Variants in DOCK4 observed in about 807,000 individuals in gnomAD.
The protein encoded by DOCK4 is dedicator of cytokinesis 4.
A neutral mutation model predicts 268.1 loss-of-function variants in DOCK4; 97 were observed. The ratio of observed to expected loss-of-function variants is 0.36; its 90% CI spans 0.31 to 0.43. The LOEUF (loss-of-function observed/expected upper bound fraction) is 0.43. Ranked by LOEUF, DOCK4 falls within the 20% of genes least tolerant of loss-of-function variation. DOCK4 has a pLI of 1.00. For missense variants in DOCK4, 2,145 were observed against 2,455.7 expected (o/e 0.87, Z 2.67); for synonymous variants, 954 against 887.2 (o/e 1.08, Z -1.34).
intron 1 of DOCK4, among the ~76,000 whole-genome samples, chr7:112,197,047 T>C (rs1820514058): frequency 6.6e-6 from 1 of 152,132 alleles, no homozygotes; most frequent in Non-Finnish European, 1.5e-5. Flanking sequence ...CCACCTGCCT[T>C]AGGGAAATTT....
Position 111,846,986 on chromosome 7 carries a change from T to A in DOCK4, c.2601+13A>T. On this transcript the variant is annotated intron_variant, in intron 24 of 52. Coordinates refer to ENST00000428084, the MANE Select transcript of DOCK4 (RefSeq NM_001363540.2). ...TTGAAGGGAGCTATATACTATGACC[T>A]GTATTTACTTACTGAGCTATTTTTC... 1 of 1,613,086 alleles carries A rather than the reference T, an allele frequency of 6.2e-7. No individual in the cohort carries two copies. Among genetic ancestry groups the A allele is most frequent in the East Asian group, 2.2e-5 (1 of 44,854 alleles).
chr7:111,874,869 T>C (rs1357949988), intron 17 of DOCK4, among the ~76,000 whole-genome samples: 1 of 152,238 alleles, frequency 6.6e-6, no homozygotes, highest in Non-Finnish European at 1.5e-5. Flanking sequence ...ACTTTGGGAA[T>C]TCTGAAATGC....
chr7:111,753,772 G>C (rs1319320708), intron 42 of DOCK4, among the ~76,000 whole-genome samples: 2 of 152,164 alleles, frequency 1.3e-5, no homozygotes, highest in Non-Finnish European at 2.9e-5. Flanking sequence ...CGACAGTGAG[G>C]ACATTCTAGG....
At chr7:111,824,452 A>G (rs1802243272) in intron 26 of DOCK4, among the ~76,000 whole-genome samples, 1 of 152,144 alleles carries the variant, frequency 6.6e-6, no homozygotes, top group South Asian at 2.1e-4. Flanking sequence ...ATGGTCTACA[A>G]TTAGTTAGGA....
intron 1 of DOCK4, among the ~76,000 whole-genome samples, chr7:112,083,993 A>G (rs1214307345): frequency 1.3e-5 from 2 of 151,998 alleles, no homozygotes; most frequent in East Asian, 1.9e-4. Context: ...TTGGGCTAAC[A>G]CTCTTGTACT....
chr7:112,112,447 G>T (rs1425712560), intron 1 of DOCK4, among the ~76,000 whole-genome samples: 1 of 152,026 alleles, frequency 6.6e-6, no homozygotes. Context: ...TTCGAGACCA[G>T]CCTGGCCAGT....
intron 8 of DOCK4, among the ~76,000 whole-genome samples, chr7:111,954,139 AATGT>A (rs1796272973): frequency 6.6e-6 from 1 of 152,118 alleles, no homozygotes; most frequent in African/African-American, 2.4e-5. Context: ...TCCAACTAAG[AATGT>A]ATGAGTGTTA....
chr7:111,921,192 T>C (rs1292800133), intron 12 of DOCK4, among the ~76,000 whole-genome samples: 1 of 152,186 alleles, frequency 6.6e-6, no homozygotes, highest in African/African-American at 2.4e-5. Context: ...AGCCCAATGA[T>C]AAATACTTAA....
At chr7:112,120,290 A>G (rs1812617291) in intron 1 of DOCK4, among the ~76,000 whole-genome samples, 1 of 152,138 alleles carries the variant, frequency 6.6e-6, no homozygotes, top group Non-Finnish European at 1.5e-5. Context: ...ATTTTTTTTC[A>G]TCCACTGGGC....
intron 1 of DOCK4, among the ~76,000 whole-genome samples, chr7:112,189,014 G>A (rs1476828286): frequency 6.6e-6 from 1 of 152,188 alleles, no homozygotes; most frequent in African/African-American, 2.4e-5. Context: ...CATATGCAGA[G>A]CATACCATAC....
Position 111,727,084 on chromosome 7 carries a change from A to G in DOCK4, c.*1190T>C, listed in dbSNP as rs1362288438. The G allele has an allele frequency of 6.6e-6, 1 of 152,652 alleles. No homozygotes were observed. The highest frequency in any genetic ancestry group is 1.5e-5 in the Non-Finnish European group (1 of 68,032). 9.5% of individuals were successfully genotyped at this position (152,652 alleles called of 1,614,324 possible). ...AGTAAAAGAAAAAACAAAGATATAA[A>G]ATACATTACTACATACAAGGTGCTT... is the stretch of plus-strand genomic sequence containing the variant. On this transcript the variant is annotated 3_prime_UTR_variant, in exon 53 of 53. Coordinates refer to ENST00000428084, the MANE Select transcript of DOCK4 (RefSeq NM_001363540.2).
intron 8 of DOCK4, among the ~76,000 whole-genome samples, chr7:111,958,609 A>C (rs1232687972): frequency 1.3e-5 from 2 of 152,222 alleles, no homozygotes; most frequent in Non-Finnish European, 2.9e-5. Context: ...AGTAGCTTGA[A>C]TAATCACAGC....
At chr7:111,989,340 T>C (rs1357877037) in intron 5 of DOCK4, among the ~76,000 whole-genome samples, 177 bp from the exon 6 acceptor site, 2 of 152,202 alleles carry the variant, frequency 1.3e-5, no homozygotes, top group Non-Finnish European at 2.9e-5. Context: ...ACTCGCTGCC[T>C]TCTCTATATG....
intron 16 of DOCK4, among the ~76,000 whole-genome samples, chr7:111,894,833 G>T (rs908699091): frequency 6.6e-6 from 1 of 152,164 alleles, no homozygotes; most frequent in African/African-American, 2.4e-5. Context: ...CTTAAGCTGG[G>T]AAGTGACATG....
At position 112,018,179 on chromosome 7, in the gene DOCK4, A is replaced by AAAAACAC; in HGVS notation, c.38-14049_38-14048insGTGTTTT. Among the ~76,000 whole-genome samples the AAAAACAC allele has an allele frequency of 4.3e-4, 31 of 72,630 alleles. 5 individuals carry two copies. The highest frequency in any genetic ancestry group is 1.3e-3 in the South Asian group (3 of 2,262). 47.6% of individuals were successfully genotyped at this position (72,630 alleles called of 152,430 possible). A position where few individuals can be genotyped will look rare whatever the true frequency, so the allele number is the denominator to read the frequency against. On this transcript the variant is annotated intron_variant, in intron 1 of 52. Transcript: ENST00000428084. ...AAAAAAAAAAAAAAAAAAAAAAAAA[A>AAAAACAC]ACACAGGCAACCAGTATTCATGTGG...
chr7:111,755,348 T>C (rs1218559741), intron 42 of DOCK4, among the ~76,000 whole-genome samples, 167 bp downstream of exon 42: 1 of 152,152 alleles, frequency 6.6e-6, no homozygotes, highest in Non-Finnish European at 1.5e-5. Context: ...AATATTAATA[T>C]TCACCTTCTC....
At chr7:111,842,096 G>C (rs564492826) in intron 25 of DOCK4, among the ~76,000 whole-genome samples, 3 of 152,104 alleles carry the variant, frequency 2.0e-5, no homozygotes, top group Admixed American at 6.5e-5. Context: ...CCTCTTCCAC[G>C]TTGAAAGTGT....
chr7:112,192,952 A>G (rs77925499), intron 1 of DOCK4, among the ~76,000 whole-genome samples: 2,719 of 152,264 alleles, frequency 0.018, 42 homozygotes, highest in Non-Finnish European at 0.03. Flanking sequence ...TAGAAAAAGA[A>G]AAGAAATTCC....
At chr7:111,862,685 T>A (rs1426884555) in intron 23 of DOCK4, among the ~76,000 whole-genome samples, 1 of 151,798 alleles carries the variant, frequency 6.6e-6, no homozygotes, top group Non-Finnish European at 1.5e-5. Context: ...AGAGATGGGG[T>A]TTCACCATGT....
Sources: allele counts gnomAD v4.1 joint callset (sites outside exome capture counted in the v4.1 genomes callset), GRCh38; gene constraint gnomAD v4.1.1; transcripts MANE v1.5; gene names NCBI Gene and HGNC (gene_info 2026-07-23, HGNC 2026-07-21).